NR3C2: variants seen among roughly 807,000 people sequenced by gnomAD.
NR3C2 encodes mineralocorticoid receptor.
NR3C2 carries 15 observed loss-of-function variants against 86.4 expected under a neutral mutation model. That is an observed-to-expected ratio of 0.17 (90% CI 0.12 to 0.27). The LOEUF is 0.27. Ranked by LOEUF, NR3C2 falls within the 10% of genes least tolerant of loss-of-function variation. The pLI, the probability that NR3C2 is intolerant of heterozygous loss-of-function variation, is 1.00. For missense variants in NR3C2, 960 were observed against 1,195.6 expected, an observed-to-expected ratio of 0.80 and a Z score of 2.91; for synonymous variants, 458 against 450.5, an observed-to-expected ratio of 1.02 and a Z score of -0.21.
chr4:148,317,352 T>C (rs183139590), intron 2 of NR3C2, among the ~76,000 whole-genome samples: 9 of 131,670 alleles, frequency 6.8e-5, no homozygotes, highest in Non-Finnish European at 1.1e-4. Context: ...CAAAACTCTG[T>C]CTCAAAAAAA....
At chr4:148,439,482 G>A (rs1006706945) in intron 1 of NR3C2, among the ~76,000 whole-genome samples, 1 of 151,986 alleles carries the variant, frequency 6.6e-6, no homozygotes, top group African/African-American at 2.4e-5. Flanking sequence ...TTACCTGAAG[G>A]CCTTCACTGG....
chr4:148,181,436 C>A (rs915542811), intron 4 of NR3C2, among the ~76,000 whole-genome samples: 2 of 151,928 alleles, frequency 1.3e-5, no homozygotes, highest in East Asian at 3.9e-4. Flanking sequence ...CTCTATGATC[C>A]CCTCTATATT....
At chr4:148,220,095 TTTTTC>T (rs1737758075) in intron 3 of NR3C2, among the ~76,000 whole-genome samples, 1 of 151,026 alleles carries the variant, frequency 6.6e-6, no homozygotes, top group Admixed American at 6.6e-5. Context: ...GCTAATTTTT[TTTTTC>T]TTTTAAGACC....
chr4:148,163,415 CAG>C (rs986475309), intron 4 of NR3C2, among the ~76,000 whole-genome samples: 74 of 152,264 alleles, frequency 4.9e-4, no homozygotes, highest in African/African-American at 1.7e-3. Flanking sequence ...TTCTGAAAAA[CAG>C]GAATAAATCC....
chr4:148,389,960 A>G (rs1205493886), intron 2 of NR3C2, among the ~76,000 whole-genome samples: 2 of 152,174 alleles, frequency 1.3e-5, no homozygotes, highest in African/African-American at 2.4e-5. Context: ...CCTTTTATAT[A>G]CACAAATTTA....
Position 148,081,251 on chromosome 4 carries a change from C to A in NR3C2, c.*93G>T. 1 of 1,473,910 alleles carries A rather than the reference C, an allele frequency of 6.8e-7. No individual in the cohort carries two copies. The highest frequency in any genetic ancestry group is 9.5e-7 in the Non-Finnish European group (1 of 1,056,528). The allele number at this position is 1,473,910 out of a possible 1,614,324, so 91.3% of individuals were successfully genotyped here. On this transcript the variant is annotated 3_prime_UTR_variant, in exon 9 of 9. Coordinates refer to ENST00000358102, the MANE Select transcript of NR3C2 (RefSeq NM_000901.5). ...AAACTGTTGAACAAGTGTGAATCAA[C>A]CATCACATGTTAAAAACAGGTTTTC... is the stretch of plus-strand genomic sequence containing the variant.
chr4:148,343,371 C>G (rs1044781639), intron 2 of NR3C2, among the ~76,000 whole-genome samples: 1 of 152,098 alleles, frequency 6.6e-6, no homozygotes, highest in African/African-American at 2.4e-5. Flanking sequence ...CTCACGGATT[C>G]AAGTCCCAAG....
intron 1 of NR3C2, among the ~76,000 whole-genome samples, chr4:148,441,238 A>G (rs1750323830): frequency 6.6e-6 from 1 of 152,188 alleles, no homozygotes; most frequent in Non-Finnish European, 1.5e-5. Context: ...ACTTTAAATT[A>G]TTTTTTAAAA....
intron 4 of NR3C2, among the ~76,000 whole-genome samples, chr4:148,163,948 G>T (rs1201153089): frequency 6.6e-6 from 1 of 152,150 alleles, no homozygotes; most frequent in Non-Finnish European, 1.5e-5. Context: ...CATTACATTT[G>T]CAGACAACAT....
intron 2 of NR3C2, among the ~76,000 whole-genome samples, chr4:148,312,909 A>T (rs866438472): frequency 7.2e-5 from 11 of 152,276 alleles, no homozygotes; most frequent in Admixed American, 3.9e-4. Context: ...TACCAAAGAA[A>T]AACGCTTTTT....
At chr4:148,232,444 G>A (rs767456355) in intron 3 of NR3C2, among the ~76,000 whole-genome samples, 5 of 152,216 alleles carry the variant, frequency 3.3e-5, no homozygotes, top group Non-Finnish European at 7.3e-5. Context: ...TGTCTGAGCA[G>A]TGGGTCTTAA....
At chr4:148,107,155 A>T (rs1731836774) in intron 8 of NR3C2, among the ~76,000 whole-genome samples, 2 of 152,198 alleles carry the variant, frequency 1.3e-5, no homozygotes, top group South Asian at 4.1e-4. Context: ...AACTTAAACA[A>T]ATTTACAAGA....
intron 8 of NR3C2, among the ~76,000 whole-genome samples, chr4:148,104,764 A>G (rs1327459626): frequency 6.6e-6 from 1 of 152,180 alleles, no homozygotes; most frequent in Admixed American, 6.5e-5. Context: ...TTCCTACAAG[A>G]TGGGTATTAT....
intron 3 of NR3C2, among the ~76,000 whole-genome samples, chr4:148,257,038 T>C (rs1214581266): frequency 6.6e-6 from 1 of 152,146 alleles, no homozygotes; most frequent in Non-Finnish European, 1.5e-5. Context: ...CAGGCTGGTG[T>C]GTTTTTCCTC....
chr4:148,381,214 C>T (rs1008859228), intron 2 of NR3C2, among the ~76,000 whole-genome samples: 5 of 146,118 alleles, frequency 3.4e-5, no homozygotes, highest in African/African-American at 1.0e-4. Context: ...GGCACTAGAG[C>T]GAGACCCTGT....
At chr4:148,376,318 G>A (rs1290074024) in intron 2 of NR3C2, among the ~76,000 whole-genome samples, 6 of 152,096 alleles carry the variant, frequency 3.9e-5, no homozygotes, top group African/African-American at 1.2e-4. Context: ...AAGAATCTGC[G>A]CCACAGCTTG....
At chr4:148,444,795 C>A (rs1271356229), upstream of NR3C2, 2 of 984,982 alleles carry the variant, frequency 2.0e-6, no homozygotes, top group Non-Finnish European at 2.4e-6. Context: ...GCGGCCGGGC[C>A]TCTGGCGGGC....
Position 148,436,281 on chromosome 4 carries a change from C to T in NR3C2, c.580G>A (p.Val194Ile). 1 of 1,614,156 alleles carries T rather than the reference C, an allele frequency of 6.2e-7. No individual in the cohort carries two copies. The highest frequency in any genetic ancestry group is 8.5e-7 in the Non-Finnish European group (1 of 1,180,000). ...PIMCHEKSPSVCSPLNMTSSV... is the reference protein window; with the variant it reads ...PIMCHEKSPSICSPLNMTSSV... The stretch of plus-strand genomic sequence containing the variant: ...GATGTCATGTTCAGAGGGCTGCAAA[C>T]AGACGGGCTTTTCTCATGACACATG... Residue 194 changes from valine (V) to isoleucine (I), a missense_variant, in exon 2 of 9, where the codon GTT becomes ATT. This residue lies in a region of NR3C2 where 680 missense variants were observed against 719.0 expected (regional missense o/e 0.95). Coordinates refer to ENST00000358102, the MANE Select transcript of NR3C2 (RefSeq NM_000901.5).
chr4:148,436,093 A>G lies in NR3C2; in HGVS notation c.768T>C (p.Asn256=), dbSNP rs765766670. The G allele has an allele frequency of 6.2e-7, 1 of 1,614,118 alleles. No individual in the cohort carries two copies. The highest frequency in any genetic ancestry group is 8.5e-7 in the Non-Finnish European group (1 of 1,180,010). Reference sequence around the variant, plus strand: ...ACGGACTTGAGAGAGGAGAGCCCACATTGCTAGCATGTGCAGGGCTGTGCG... The same window carrying G: ...ACGGACTTGAGAGAGGAGAGCCCACGTTGCTAGCATGTGCAGGGCTGTGCG... ...SRSHSPAHAS[N]VGSPLSSPLS... The change falls in exon 2 of 9, where the codon AAT becomes AAC. Residue 256 remains asparagine (N), a synonymous_variant. Transcript: ENST00000358102.
Sources: gnomAD v4.1 joint callset for allele counts (sites outside exome capture counted in the v4.1 genomes callset) on GRCh38, gnomAD v4.1.1 for gene constraint, gnomAD v4.1.1 regional missense constraint, MANE v1.5 for transcripts, NCBI Gene and HGNC (gene_info 2026-07-23, HGNC 2026-07-21) for gene names.